Variants in COL6A5 observed in about 807,000 individuals in gnomAD.
COL6A5 encodes the protein collagen type VI alpha 5 chain, also known as collagen alpha-5(VI) chain.
COL6A5 carries 48 observed loss-of-function variants against 65.6 expected under a neutral mutation model. That is an observed-to-expected ratio of 0.73 (90% confidence interval 0.58 to 0.93). The LOEUF (loss-of-function observed/expected upper bound fraction) is 0.93. COL6A5 is among the 40% of genes least tolerant of loss of function. The pLI is 0.00. For synonymous variants in COL6A5, 291 were observed against 322.8 expected, an observed-to-expected ratio of 0.90 and a Z score of 1.05; for missense variants, 914 against 928.3, an observed-to-expected ratio of 0.98 and a Z score of 0.20.
intron 1 of COL6A5, among the ~76,000 whole-genome samples, chr3:130,437,905 C>G (rs9815128): frequency 0.078 from 11,813 of 152,126 alleles, 1,001 homozygotes; most frequent in East Asian, 0.31. Flanking sequence ...AGTATTACTT[C>G]CCAACATACT....
intron 4 of COL6A5, among the ~76,000 whole-genome samples, chr3:130,449,486 G>A (rs1294698147): frequency 6.6e-6 from 1 of 152,118 alleles, no homozygotes; most frequent in Admixed American, 6.6e-5. Context: ...GCCAGTGCAA[G>A]GCAAGATAAA....
upstream of COL6A5, among the ~76,000 whole-genome samples, chr3:130,428,428 G>T (rs549917060): frequency 6.6e-6 from 1 of 152,134 alleles, no homozygotes; most frequent in Admixed American, 6.6e-5. Context: ...AAGGCTGGGG[G>T]AAATTAAGAG....
chr3:130,361,826 A>G (rs1329235894), intron 1 of COL6A5, among the ~76,000 whole-genome samples: 1 of 152,086 alleles, frequency 6.6e-6, no homozygotes, highest in East Asian at 1.9e-4. Context: ...GTAATGACAT[A>G]TGATGTTAAC....
intron 12 of COL6A5, among the ~76,000 whole-genome samples, chr3:130,402,686 T>C (rs1336814268): frequency 6.6e-6 from 1 of 152,190 alleles, no homozygotes; most frequent in East Asian, 1.9e-4. Context: ...ACAGGCACTG[T>C]GCCTGGGACC....
At chr3:130,431,215 A>C (rs1220164202), upstream of COL6A5, 2 of 681,670 alleles carry the variant, frequency 2.9e-6, no homozygotes, top group Non-Finnish European at 5.4e-6. Flanking sequence ...TACACAGCTG[A>C]CTGATTGATA....
chr3:130,421,483 T>TC, intron 27 of COL6A5, 123 bp downstream of exon 27: 1 of 877,040 alleles, frequency 1.1e-6, no homozygotes, highest in Non-Finnish European at 1.8e-6. Context: ...GTTGTTTTCC[T>TC]TGGGCTTCCT....
intron 4 of COL6A5, among the ~76,000 whole-genome samples, chr3:130,449,697 C>T (rs574030896): frequency 2.8e-4 from 43 of 152,222 alleles, no homozygotes; most frequent in African/African-American, 9.1e-4. Flanking sequence ...ATCCAATAAG[C>T]GGCCTTTTCA....
chr3:130,381,728 C>T (rs1182797789), intron 4 of COL6A5, among the ~76,000 whole-genome samples: 1 of 152,018 alleles, frequency 6.6e-6, no homozygotes, highest in Non-Finnish European at 1.5e-5. Context: ...TGGCAGCACA[C>T]AACATGGAAA....
At chr3:130,362,290 A>T (rs1207169773) in intron 1 of COL6A5, among the ~76,000 whole-genome samples, 1 of 2,412 alleles carries the variant, frequency 4.1e-4, no homozygotes, top group Non-Finnish European at 1.5e-3. Flanking sequence ...GTCTTTCTCC[A>T]TATATATATA....
exon 8 of COL6A5, chr3:130,484,561 C>T (rs776120343): frequency 1.8e-5 from 7 of 398,882 alleles, no homozygotes; most frequent in East Asian, 3.6e-5. Context: ...TAAAACCCAC[C>T]TGTCAGGCTG....
Position 130,468,790 on chromosome 3 carries a change from T to C in COL6A5, c.1545-5T>C. 2 of 1,599,794 alleles carry C rather than the reference T, an allele frequency of 1.3e-6. No homozygotes were observed. Among genetic ancestry groups the C allele is most frequent in the Non-Finnish European group, 8.5e-7 (1 of 1,171,586 alleles). On this transcript the variant is annotated splice_region_variant and splice_polypyrimidine_tract_variant and intron_variant, in intron 5 of 7. Coordinates refer to ENST00000512836, the Ensembl canonical transcript of COL6A5. Reference sequence around the variant, plus strand: ...AAAAGAATGACTTGAGTTATTCTGTTGCAGGACATGAAAATTATGGCAGAA... The same window carrying C: ...AAAAGAATGACTTGAGTTATTCTGTCGCAGGACATGAAAATTATGGCAGAA...
At chr3:130,413,504 T>A (rs544541292) in intron 20 of COL6A5, 41 bp from the exon 21 acceptor site, 1 of 1,534,074 alleles carries the variant, frequency 6.5e-7, no homozygotes, top group African/African-American at 1.4e-5. Context: ...ACCCCTCCAT[T>A]CAGACATCCA....
intron 13 of COL6A5, 92 bp downstream of exon 13, chr3:130,403,754 T>TG (rs1559882833): frequency 6.2e-5 from 61 of 978,276 alleles, no homozygotes; most frequent in Admixed American, 2.7e-4. Context: ...TTCTTTTTCA[T>TG]AAAAAAAGCT....
At chr3:130,463,445 G>A (rs1188840302) in intron 5 of COL6A5, among the ~76,000 whole-genome samples, 2 of 152,038 alleles carry the variant, frequency 1.3e-5, no homozygotes, top group Non-Finnish European at 2.9e-5. Context: ...AAGTCCTTCA[G>A]AGTCTCCCTT....
At chr3:130,384,447 A>G (rs1367525090) in intron 4 of COL6A5, among the ~76,000 whole-genome samples, 4 of 152,066 alleles carry the variant, frequency 2.6e-5, no homozygotes, top group Non-Finnish European at 1.5e-5. Context: ...CGTCAATCCC[A>G]TGCCTTTTTT....
At chr3:130,415,485 G>A (rs538832191) in intron 22 of COL6A5, among the ~76,000 whole-genome samples, 160 bp from the exon 23 acceptor site, 137 of 152,156 alleles carry the variant, frequency 9.0e-4, no homozygotes, top group African/African-American at 3.1e-3. Flanking sequence ...GAGTCCACTG[G>A]GCCTGTCCTC....
chr3:130,368,215 A>T (rs1191293594), intron 1 of COL6A5, among the ~76,000 whole-genome samples: 1 of 152,202 alleles, frequency 6.6e-6, no homozygotes, highest in Non-Finnish European at 1.5e-5. Flanking sequence ...TGTGCCCCAG[A>T]GTTGCTCAAA....
intron 10 of COL6A5, among the ~76,000 whole-genome samples, chr3:130,399,900 C>T (rs1030769920): frequency 1.3e-5 from 2 of 152,062 alleles, no homozygotes; most frequent in South Asian, 2.1e-4. Flanking sequence ...TTACAGGTGC[C>T]CACCACCATG....
chr3:130,477,875 A>G (rs1256351822), intron 7 of COL6A5, among the ~76,000 whole-genome samples: 1 of 152,292 alleles, frequency 6.6e-6, no homozygotes, highest in African/African-American at 2.4e-5. Flanking sequence ...ATTGTCTTTA[A>G]TGGAATATTA....
Sources: allele counts gnomAD v4.1 joint callset (sites outside exome capture counted in the v4.1 genomes callset), GRCh38; gene constraint gnomAD v4.1.1; transcripts MANE v1.5; gene names NCBI Gene and HGNC (gene_info 2026-07-23, HGNC 2026-07-21).